The following HDAC2 variants were observed in gnomAD, a reference collection of about 807,000 sequenced individuals.
The protein encoded by HDAC2 is YY1-associated factor 1.
A neutral mutation model predicts 68.5 loss-of-function variants in HDAC2; 5 were observed. That is an observed-to-expected ratio of 0.07 (90% CI 0.04 to 0.15). The LOEUF (loss-of-function observed/expected upper bound fraction) is 0.15, where lower values mean the gene tolerates loss of function less well. HDAC2 is among the 10% of genes least tolerant of loss of function. HDAC2 has a pLI of 1.00. For synonymous variants in HDAC2, 182 were observed against 191.3 expected, an observed-to-expected ratio of 0.95 and a Z score of 0.40; for missense variants, 291 against 600.8, an observed-to-expected ratio of 0.48 and a Z score of 5.39.
At chr6:113,954,687 A>G (rs1776505465) in intron 5 of HDAC2, among the ~76,000 whole-genome samples, 1 of 152,256 alleles carries the variant, frequency 6.6e-6, no homozygotes, top group Admixed American at 6.5e-5. Context: ...TTACACTGAT[A>G]CTGCTCAATC....
intron 1 of HDAC2, among the ~76,000 whole-genome samples, chr6:113,960,890 C>T (rs573075185): frequency 6.6e-6 from 1 of 152,180 alleles, no homozygotes; most frequent in South Asian, 2.1e-4. Flanking sequence ...GCTGGAAACA[C>T]GTAGAGACTT....
At chr6:113,965,194 A>C (rs569743371) in intron 1 of HDAC2, among the ~76,000 whole-genome samples, 13 of 152,232 alleles carry the variant, frequency 8.5e-5, no homozygotes, top group African/African-American at 3.1e-4. Flanking sequence ...GGGACTCCAC[A>C]TTTTCCTTGT....
At chr6:113,963,005 G>T (rs1389407044) in intron 1 of HDAC2, among the ~76,000 whole-genome samples, 2 of 150,890 alleles carry the variant, frequency 1.3e-5, no homozygotes, top group Non-Finnish European at 3.0e-5. Flanking sequence ...ATATAAAGGC[G>T]TTATAAAATA....
chr6:113,962,089 A>C (rs1776696408), intron 1 of HDAC2, among the ~76,000 whole-genome samples: 1 of 152,208 alleles, frequency 6.6e-6, no homozygotes, highest in African/African-American at 2.4e-5. Flanking sequence ...TGTGTTTGAA[A>C]AAAAAAAAAA....
In HDAC2 at chr6:113,940,983, G is replaced by T; in HGVS notation, c.*75C>A. 2 of 1,174,938 alleles carry T rather than the reference G, an allele frequency of 1.7e-6. No homozygotes were observed. Among genetic ancestry groups the T allele is most frequent in the Non-Finnish European group, 2.5e-6 (2 of 796,204 alleles). The allele number at this position is 1,174,938 out of a possible 1,614,324, so 72.8% of individuals were successfully genotyped here. A position where few individuals can be genotyped will look rare whatever the true frequency, so the allele number is the denominator to read the frequency against. On this transcript the variant is annotated 3_prime_UTR_variant, in exon 14 of 14. Coordinates refer to ENST00000519065, the MANE Select transcript of HDAC2 (RefSeq NM_001527.4). ...AAAGTAGTATAAAATGAAGCCAGAA[G>T]TCTTCAAAAAGAAAACATTTTCCTT...
At chr6:113,953,153 G>C (rs1776462304) in intron 6 of HDAC2, 124 bp downstream of exon 6, 1 of 686,586 alleles carries the variant, frequency 1.5e-6, no homozygotes, top group Non-Finnish European at 2.4e-6. Flanking sequence ...TGCATACGTA[G>C]TAATTCAATT....
chr6:113,941,767 TA>T lies in HDAC2; in HGVS notation c.1379-3del. 5 of 1,312,708 alleles carry T rather than the reference TA, an allele frequency of 3.8e-6. No homozygotes were observed. The highest frequency in any genetic ancestry group is 5.3e-6 in the Non-Finnish European group (5 of 951,566). 81.3% of individuals were successfully genotyped at this position (1,312,708 alleles called of 1,614,324 possible). A position where few individuals can be genotyped will look rare whatever the true frequency, so the allele number is the denominator to read the frequency against. ...TGGATTTATCTTCTTCCTTAACGTC[TA>T]AAAATAAAGATTGGGAAAAGATTAA... On this transcript the variant is annotated splice_polypyrimidine_tract_variant and splice_region_variant and intron_variant, in intron 12 of 13. Coordinates refer to ENST00000519065, the MANE Select transcript of HDAC2 (RefSeq NM_001527.4).
At chr6:113,943,271 C>T in intron 12 of HDAC2, 80 bp downstream of exon 12, 5 of 1,158,562 alleles carry the variant, frequency 4.3e-6, no homozygotes, top group Non-Finnish European at 6.1e-6. Context: ...CAACTGACTT[C>T]TCGATAGCAT....
intron 2 of HDAC2, among the ~76,000 whole-genome samples, chr6:113,959,121 CACT>C (rs1776621696): frequency 6.6e-6 from 1 of 152,036 alleles, no homozygotes; most frequent in Non-Finnish European, 1.5e-5. Context: ...TGAAATCACT[CACT>C]ACAAGAGTTT....
chr6:113,959,837 A>T (rs1776639733), intron 2 of HDAC2, 69 bp downstream of exon 2: 1 of 720,796 alleles, frequency 1.4e-6, no homozygotes, highest in African/African-American at 1.8e-5. Context: ...AATAATAGAC[A>T]AAGTTTCACA....
At chr6:113,968,599 CA>C (rs1776885132) in intron 1 of HDAC2, 1 of 152,144 alleles carries the variant, frequency 6.6e-6, no homozygotes, top group Non-Finnish European at 1.5e-5. Context: ...TCCACTTTAA[CA>C]AACGAGTCAC....
At chr6:113,958,892 A>C in intron 2 of HDAC2, 126 bp from the exon 3 acceptor site, 1 of 705,684 alleles carries the variant, frequency 1.4e-6, no homozygotes, top group Non-Finnish European at 2.5e-6. Flanking sequence ...CAAAATATAT[A>C]AATTCCAAAA....
rs146500509 is a variant in HDAC2 at position 113,940,827 on chromosome 6, A to G, written c.*231T>C. ...TTTTTTGACATAATAACTCACATCA[A>G]TTTTAAATACTATCACATAAAGCAT... is the stretch of plus-strand genomic sequence containing the variant. On this transcript the variant is annotated 3_prime_UTR_variant, in exon 14 of 14. Transcript: ENST00000519065. The G allele has an allele frequency of 1.0e-3, 428 of 409,624 alleles. 1 individual carries two copies. The highest frequency in any genetic ancestry group is 8.3e-3 in the African/African-American group (405 of 48,952). 25.4% of individuals were successfully genotyped at this position (409,624 alleles called of 1,614,324 possible).
At chr6:113,966,347 C>T (rs1230366321) in intron 1 of HDAC2, among the ~76,000 whole-genome samples, 2 of 151,900 alleles carry the variant, frequency 1.3e-5, no homozygotes, top group African/African-American at 2.4e-5. Context: ...GTCAGGAGTT[C>T]GAGACCAGCC....
chr6:113,954,317 A>G (rs1776494761), intron 5 of HDAC2, among the ~76,000 whole-genome samples: 1 of 152,264 alleles, frequency 6.6e-6, no homozygotes, highest in African/African-American at 2.4e-5. Flanking sequence ...ATATTTCCAG[A>G]CTAAGCACTC....
At chr6:113,952,453 T>C (rs1776442621) in intron 6 of HDAC2, among the ~76,000 whole-genome samples, 1 of 152,246 alleles carries the variant, frequency 6.6e-6, no homozygotes, top group Non-Finnish European at 1.5e-5. Context: ...GAATACTTTA[T>C]GGCAACTCTT....
intron 1 of HDAC2, among the ~76,000 whole-genome samples, chr6:113,964,775 T>A (rs2114619254): frequency 6.6e-6 from 1 of 152,322 alleles, no homozygotes; most frequent in African/African-American, 2.4e-5. Context: ...TCAATAAGGA[T>A]CTCAAATATA....
At chr6:113,947,262 T>C (rs1562142036) in intron 8 of HDAC2, 1 of 152,100 alleles carries the variant, frequency 6.6e-6, no homozygotes, top group East Asian at 1.9e-4. Flanking sequence ...CAAAAATGAC[T>C]CGAAAGGGAT....
intron 6 of HDAC2, among the ~76,000 whole-genome samples, chr6:113,951,276 G>C (rs1776407655): frequency 6.6e-6 from 1 of 152,118 alleles, no homozygotes; most frequent in South Asian, 2.1e-4. Context: ...CTTCTTTTCA[G>C]CATGAGAATG....
Sources: allele counts gnomAD v4.1 joint callset (sites outside exome capture counted in the v4.1 genomes callset), GRCh38; gene constraint gnomAD v4.1.1; transcripts MANE v1.5; gene names NCBI Gene and HGNC (gene_info 2026-07-23, HGNC 2026-07-21).